The following DENND1A variants were observed in gnomAD, a reference collection of about 807,000 sequenced individuals.
DENND1A encodes DENN domain containing 1A.
A neutral mutation model predicts 113.7 loss-of-function variants in DENND1A; 51 were observed. The observed-to-expected ratio is 0.45, with a 90% CI of 0.36 to 0.57. DENND1A has a LOEUF of 0.57. Among genes scored for constraint, DENND1A ranks in the 20% least tolerant of loss-of-function variants. The pLI is 0.00. For synonymous variants in DENND1A, 565 were observed against 570.8 expected (o/e 0.99, Z 0.14); for missense variants, 1,258 against 1,395.9 (o/e 0.90, Z 1.57).
At chr9:123,626,197 G>A (rs999896717) in intron 10 of DENND1A, among the ~76,000 whole-genome samples, 2 of 152,114 alleles carry the variant, frequency 1.3e-5, no homozygotes, top group African/African-American at 4.8e-5. Context: ...TTGACCTGAG[G>A]CTACCTTTTA....
In DENND1A at chr9:123,622,310, T is replaced by C. The variant is rs147741251; in HGVS notation, c.719+8066A>G. Among the ~76,000 whole-genome samples the C allele has an allele frequency of 4.5e-3, 687 of 152,284 alleles. 5 individuals are homozygous for C. Among genetic ancestry groups the C allele is most frequent in the African/African-American group, 0.016 (663 of 41,568 alleles). ...GAATAAACCAAATATACAATTCAAG[T>C]TGAGAATTGATTTGTGGTCCCTATT... On this transcript the variant is annotated intron_variant, in intron 10 of 23. Transcript: ENST00000394215.
intron 1 of DENND1A, among the ~76,000 whole-genome samples, chr9:123,888,257 T>C (rs76078753): frequency 0.038 from 5,807 of 152,296 alleles, 115 homozygotes; most frequent in Middle Eastern, 0.048. Context: ...CTGAAAGGGC[T>C]TCCACTGGCC....
At chr9:123,850,543 T>G (rs947244991) in intron 2 of DENND1A, among the ~76,000 whole-genome samples, 1 of 152,218 alleles carries the variant, frequency 6.6e-6, no homozygotes, top group Non-Finnish European at 1.5e-5. Flanking sequence ...GCAACTAAAC[T>G]GAACCTGCAA....
intron 3 of DENND1A, among the ~76,000 whole-genome samples, chr9:123,789,032 T>C (rs1832608464): frequency 1.3e-5 from 2 of 151,238 alleles, no homozygotes; most frequent in Admixed American, 1.3e-4. Flanking sequence ...ATAAATAATA[T>C]GAACTCTGAA....
intron 13 of DENND1A, among the ~76,000 whole-genome samples, chr9:123,523,805 G>A (rs997298159): frequency 2.0e-5 from 3 of 152,170 alleles, no homozygotes; most frequent in Non-Finnish European, 4.4e-5. Flanking sequence ...TGGGCTATAT[G>A]CAGAAAGCAC....
intron 5 of DENND1A, among the ~76,000 whole-genome samples, chr9:123,721,145 G>C (rs987181352): frequency 3.9e-5 from 6 of 152,132 alleles, no homozygotes; most frequent in African/African-American, 9.7e-5. Flanking sequence ...CTCTATGCTA[G>C]AGCCAAAATG....
intron 1 of DENND1A, among the ~76,000 whole-genome samples, chr9:123,879,739 T>C (rs1349001796): frequency 6.6e-6 from 1 of 152,186 alleles, no homozygotes; most frequent in Non-Finnish European, 1.5e-5. Context: ...CTCCTCAGTA[T>C]ATTCCAGAAT....
intron 12 of DENND1A, 40 bp downstream of exon 12, chr9:123,583,129 G>C: frequency 7.0e-7 from 1 of 1,437,828 alleles, no homozygotes. Flanking sequence ...TCCTTTGCAG[G>C]AGCTCACAGA....
intron 19 of DENND1A, among the ~76,000 whole-genome samples, chr9:123,435,095 G>A (rs367962041): frequency 1.5e-3 from 225 of 152,226 alleles, no homozygotes; most frequent in Middle Eastern, 6.8e-3. Context: ...GTTTGGTGGG[G>A]AGTGTATGTT....
intron 3 of DENND1A, among the ~76,000 whole-genome samples, chr9:123,786,187 C>A (rs1318646708): frequency 6.6e-6 from 1 of 151,472 alleles, no homozygotes; most frequent in Non-Finnish European, 1.5e-5. Flanking sequence ...GTACTCCAGT[C>A]TAGGCAACAG....
At chr9:123,708,093 G>A (rs902956922) in intron 5 of DENND1A, among the ~76,000 whole-genome samples, 1 of 152,032 alleles carries the variant, frequency 6.6e-6, no homozygotes, top group African/African-American at 2.4e-5. Flanking sequence ...GCAGATTGCA[G>A]AATTTCTTCT....
At chr9:123,753,012 C>T (rs931986375) in intron 5 of DENND1A, among the ~76,000 whole-genome samples, 4 of 152,158 alleles carry the variant, frequency 2.6e-5, no homozygotes, top group African/African-American at 9.7e-5. Context: ...GGAAATAATG[C>T]ATTTGATTTA....
At chr9:123,785,980 A>G (rs1407296959) in intron 3 of DENND1A, among the ~76,000 whole-genome samples, 1 of 152,152 alleles carries the variant, frequency 6.6e-6, no homozygotes, top group African/African-American at 2.4e-5. Context: ...CAGGAGGCCA[A>G]GGTGTGAGGA....
At chr9:123,664,229 A>AT (rs947451581) in intron 8 of DENND1A, among the ~76,000 whole-genome samples, 1 of 152,186 alleles carries the variant, frequency 6.6e-6, no homozygotes, top group African/African-American at 2.4e-5. Context: ...AACCTGATAG[A>AT]TTTTTTTGAA....
At chr9:123,386,984 G>A (rs1421258823) in intron 22 of DENND1A, among the ~76,000 whole-genome samples, 1 of 152,226 alleles carries the variant, frequency 6.6e-6, no homozygotes, top group Non-Finnish European at 1.5e-5. Context: ...AGGTTGCTGT[G>A]GGCACCACGG....
chr9:123,915,754 G>A (rs528361570), intron 1 of DENND1A, among the ~76,000 whole-genome samples: 2 of 152,276 alleles, frequency 1.3e-5, no homozygotes, highest in East Asian at 3.9e-4. Flanking sequence ...TGTCTCCAAA[G>A]AGTGGGACTA....
chr9:123,385,066 G>A (rs1162839546), intron 22 of DENND1A, among the ~76,000 whole-genome samples: 2 of 152,228 alleles, frequency 1.3e-5, no homozygotes, highest in Non-Finnish European at 2.9e-5. Context: ...CCCTTCCCAT[G>A]GACCTGAGTC....
chr9:123,547,432 G>A (rs1309277886), intron 13 of DENND1A, among the ~76,000 whole-genome samples: 1 of 152,216 alleles, frequency 6.6e-6, no homozygotes, highest in African/African-American at 2.4e-5. Flanking sequence ...AGGAGGCTGA[G>A]GCAGGAGAAT....
At chr9:123,551,362 T>A (rs2135881615) in intron 13 of DENND1A, among the ~76,000 whole-genome samples, 1 of 152,318 alleles carries the variant, frequency 6.6e-6, no homozygotes, top group South Asian at 2.1e-4. Flanking sequence ...CCGTCTATTA[T>A]TCCAAAATAT....
Sources: gnomAD v4.1 joint callset for allele counts (sites outside exome capture counted in the v4.1 genomes callset) on GRCh38, gnomAD v4.1.1 for gene constraint, MANE v1.5 for transcripts, NCBI Gene and HGNC (gene_info 2026-07-23, HGNC 2026-07-21) for gene names.